Variants in EPB41L4A observed in about 807,000 individuals in gnomAD.
EPB41L4A encodes the protein band 4.1-like protein 4A.
A neutral mutation model predicts 108.6 loss-of-function variants in EPB41L4A; 100 were observed. The observed-to-expected ratio is 0.92, with a 90% CI of 0.78 to 1.09. EPB41L4A has a LOEUF of 1.09. Ranked by LOEUF, EPB41L4A falls within the 50% of genes least tolerant of loss-of-function variation. The pLI is 0.00. For missense variants in EPB41L4A, 1,030 were observed against 842.7 expected, an observed-to-expected ratio of 1.22 and a Z score of -2.75; for synonymous variants, 319 against 289.0, an observed-to-expected ratio of 1.10 and a Z score of -1.05.
At chr5:112,347,433 C>G (rs1442036746) in intron 1 of EPB41L4A, among the ~76,000 whole-genome samples, 1 of 152,162 alleles carries the variant, frequency 6.6e-6, no homozygotes, top group Non-Finnish European at 1.5e-5. Flanking sequence ...CACTAAAATG[C>G]AGAACTTAGG....
intron 18 of EPB41L4A, among the ~76,000 whole-genome samples, chr5:112,174,481 T>G (rs981955869): frequency 1.1e-4 from 16 of 152,216 alleles, no homozygotes; most frequent in African/African-American, 3.9e-4. Flanking sequence ...TCCAGTATTT[T>G]TCAAAAGCAT....
chr5:112,363,140 A>G (rs1249166003), intron 1 of EPB41L4A, among the ~76,000 whole-genome samples: 1 of 152,172 alleles, frequency 6.6e-6, no homozygotes, highest in Non-Finnish European at 1.5e-5. Context: ...TGTGAGTGGG[A>G]CATTCAGGGG....
Position 112,204,426 on chromosome 5 carries a change from C to T in EPB41L4A, c.1325G>A (p.Arg442Gln), listed in dbSNP as rs201592124. 1,159 of 1,613,918 alleles carry T rather than the reference C, an allele frequency of 7.2e-4. 11 individuals carry two copies. In the South Asian group the frequency reaches 8.0e-3, roughly 11 times the overall value. The change falls in exon 15 of 23, where the codon CGA becomes CAA. Residue 442 changes from arginine (R) to glutamine (Q), a missense_variant. Physicochemically the swap from Arg to Gln is conservative, Grantham distance 43. Coordinates refer to ENST00000261486, the MANE Select transcript of EPB41L4A (RefSeq NM_022140.5). Reference sequence around the variant, plus strand: ...ATTGTCACTTCCACAGGAGGGGTTTCGGCGACGCGTGTAAGGGAACTTTGG... The same window carrying T: ...ATTGTCACTTCCACAGGAGGGGTTTTGGCGACGCGTGTAAGGGAACTTTGG... Reference protein sequence around the residue: ...KSPKFPYTRRRNPSCGSDNDS... With the variant: ...KSPKFPYTRRQNPSCGSDNDS...
chr5:112,322,337 C>A (rs538771765), intron 1 of EPB41L4A, among the ~76,000 whole-genome samples: 1 of 152,292 alleles, frequency 6.6e-6, no homozygotes, highest in South Asian at 2.1e-4. Context: ...AGCTCTAGAA[C>A]CTGTGCTCTA....
At chr5:112,278,537 ACAC>A (rs1280095553) in intron 3 of EPB41L4A, among the ~76,000 whole-genome samples, 3 of 151,978 alleles carry the variant, frequency 2.0e-5, no homozygotes, top group Non-Finnish European at 4.4e-5. Flanking sequence ...CAGGCATAAG[ACAC>A]CACGAGTCTT....
intron 20 of EPB41L4A, 83 bp downstream of exon 20, chr5:112,170,214 ACTGT>A (rs1188758746): frequency 3.8e-6 from 5 of 1,304,296 alleles, no homozygotes; most frequent in South Asian, 1.3e-5. Context: ...AAATTAAAGC[ACTGT>A]CTGGAACACA....
chr5:112,253,966 G>A (rs934948906), intron 9 of EPB41L4A, among the ~76,000 whole-genome samples: 3 of 152,102 alleles, frequency 2.0e-5, no homozygotes, highest in Admixed American at 6.6e-5. Flanking sequence ...GGCCATCATC[G>A]CTTCCCGTGT....
chr5:112,225,298 C>T (rs1009451349), intron 12 of EPB41L4A, among the ~76,000 whole-genome samples: 13 of 152,212 alleles, frequency 8.5e-5, no homozygotes, highest in African/African-American at 3.1e-4. Context: ...GTACTTTAAT[C>T]CTGGACTTAT....
At chr5:112,352,439 C>T (rs1455360531) in intron 1 of EPB41L4A, among the ~76,000 whole-genome samples, 5 of 152,236 alleles carry the variant, frequency 3.3e-5, no homozygotes, top group Admixed American at 1.3e-4. Flanking sequence ...TTATTGATTT[C>T]TGGCTTTATT....
At chr5:112,391,550 G>A (rs943635213) in intron 1 of EPB41L4A, among the ~76,000 whole-genome samples, 2 of 152,094 alleles carry the variant, frequency 1.3e-5, no homozygotes, top group East Asian at 1.9e-4. Context: ...AAAAAGAAAC[G>A]AACAAAGCCT....
chr5:112,373,229 A>T (rs1476370119), intron 1 of EPB41L4A, among the ~76,000 whole-genome samples: 1 of 152,174 alleles, frequency 6.6e-6, no homozygotes, highest in Non-Finnish European at 1.5e-5. Context: ...GAAGGTCACC[A>T]ACAGTGAGGG....
intron 1 of EPB41L4A, among the ~76,000 whole-genome samples, chr5:112,333,396 C>T (rs1218879440): frequency 1.3e-5 from 2 of 152,174 alleles, no homozygotes; most frequent in Non-Finnish European, 2.9e-5. Flanking sequence ...CTGGTCTCCG[C>T]AGGAAGCTGC....
intron 17 of EPB41L4A, among the ~76,000 whole-genome samples, chr5:112,191,163 G>T (rs1208471959): frequency 6.6e-6 from 1 of 152,104 alleles, no homozygotes; most frequent in African/African-American, 2.4e-5. Flanking sequence ...TATGAGAACA[G>T]TAAAGAAAGA....
intron 12 of EPB41L4A, among the ~76,000 whole-genome samples, chr5:112,226,551 AATT>A (rs1748467008): frequency 6.6e-6 from 1 of 152,226 alleles, no homozygotes; most frequent in Admixed American, 6.5e-5. Flanking sequence ...TGAACTTTAA[AATT>A]ATCACACAAT....
intron 1 of EPB41L4A, among the ~76,000 whole-genome samples, chr5:112,323,874 A>C (rs1220408290): frequency 6.6e-6 from 1 of 152,234 alleles, no homozygotes; most frequent in Non-Finnish European, 1.5e-5. Context: ...GAACCAGATT[A>C]GCATTAGATT....
intron 18 of EPB41L4A, chr5:112,173,506 C>T (rs1760703393): frequency 6.6e-6 from 1 of 150,784 alleles, no homozygotes; most frequent in African/African-American, 2.4e-5. Flanking sequence ...CTTTTTAAGC[C>T]AGGAGAATTT....
At chr5:112,384,360 T>A (rs2112624693) in intron 1 of EPB41L4A, among the ~76,000 whole-genome samples, 1 of 152,242 alleles carries the variant, frequency 6.6e-6, no homozygotes, top group East Asian at 1.9e-4. Context: ...AAATCATAGA[T>A]TTAACTACAT....
chr5:112,208,243 T>TAAAAAAA (rs1762563558), intron 13 of EPB41L4A, among the ~76,000 whole-genome samples: 2 of 20,878 alleles, frequency 9.6e-5, no homozygotes, highest in South Asian at 3.0e-3. Flanking sequence ...AGACTCCATC[T>TAAAAAAA]CAAAAAAAAA....
intron 1 of EPB41L4A, among the ~76,000 whole-genome samples, chr5:112,411,348 T>G (rs1289018419): frequency 6.6e-6 from 1 of 152,116 alleles, no homozygotes; most frequent in Non-Finnish European, 1.5e-5. Context: ...CAAATATATA[T>G]GAATATCAAA....
Sources: allele counts gnomAD v4.1 joint callset (sites outside exome capture counted in the v4.1 genomes callset), GRCh38; gene constraint gnomAD v4.1.1; transcripts MANE v1.5; gene names NCBI Gene and HGNC (gene_info 2026-07-23, HGNC 2026-07-21).